The following ACACA variants were observed in gnomAD, a reference collection of about 807,000 sequenced individuals.
The protein encoded by ACACA is acetyl-CoA carboxylase 1.
A neutral mutation model predicts 296.1 loss-of-function variants in ACACA; 103 were observed. That is an observed-to-expected ratio of 0.35 (90% CI 0.30 to 0.41). The LOEUF (loss-of-function observed/expected upper bound fraction) is 0.41, where lower values mean the gene tolerates loss of function less well. ACACA is among the 10% of genes least tolerant of loss of function. The pLI is 1.00. For synonymous variants in ACACA, 953 were observed against 1,038.6 expected (o/e 0.92, Z 1.58); for missense variants, 1,554 against 2,989.7 (o/e 0.52, Z 11.20).
chr17:37,317,946 C>T (rs1285969919), intron 3 of ACACA, among the ~76,000 whole-genome samples: 1 of 152,106 alleles, frequency 6.6e-6, no homozygotes, highest in African/African-American at 2.4e-5. Context: ...CTCATAATGA[C>T]CTTCTCTGTC....
At chr17:37,254,737 A>C (rs2081148370) in intron 14 of ACACA, among the ~76,000 whole-genome samples, 1 of 151,974 alleles carries the variant, frequency 6.6e-6, no homozygotes, top group African/African-American at 2.4e-5. Context: ...TTATCCCAGC[A>C]CTTTGGGAGG....
At chr17:37,210,227 T>A (rs953748788) in intron 30 of ACACA, among the ~76,000 whole-genome samples, 3 of 152,184 alleles carry the variant, frequency 2.0e-5, no homozygotes. Flanking sequence ...CATACACAGC[T>A]AGATGGGAGC....
At chr17:37,390,228 TTA>T (rs1229124453) in intron 1 of ACACA, among the ~76,000 whole-genome samples, 2 of 45,604 alleles carry the variant, frequency 4.4e-5, no homozygotes, top group Non-Finnish European at 6.4e-5. Context: ...TTATATATAA[TTA>T]TATATAATAT....
At chr17:37,378,681 C>T (rs1191642028) in intron 1 of ACACA, among the ~76,000 whole-genome samples, 1 of 152,180 alleles carries the variant, frequency 6.6e-6, no homozygotes, top group Non-Finnish European at 1.5e-5. Context: ...CCATTGCACT[C>T]CAGCCTGAGC....
chr17:37,128,665 T>A (rs776516613), intron 47 of ACACA, among the ~76,000 whole-genome samples: 6 of 152,234 alleles, frequency 3.9e-5, no homozygotes, highest in Non-Finnish European at 7.3e-5. Flanking sequence ...AATGAGAATG[T>A]ACACAGAGTT....
intron 1 of ACACA, among the ~76,000 whole-genome samples, chr17:37,348,097 C>T (rs1421797684): frequency 4.6e-5 from 7 of 150,918 alleles, no homozygotes; most frequent in Admixed American, 1.3e-4. Context: ...TGCTTGAACC[C>T]GGGAGGCAGA....
chr17:37,136,754 A>G (rs1427889274), intron 45 of ACACA, among the ~76,000 whole-genome samples: 1 of 152,166 alleles, frequency 6.6e-6, no homozygotes, highest in Non-Finnish European at 1.5e-5. Flanking sequence ...CATCCTGGAT[A>G]ACACGGTGAA....
intron 3 of ACACA, among the ~76,000 whole-genome samples, chr17:37,294,209 C>T (rs1048385527): frequency 4.6e-5 from 7 of 151,816 alleles, no homozygotes; most frequent in Non-Finnish European, 7.4e-5. Context: ...ACATTGACAT[C>T]TCAAAATATT....
chr17:37,266,836 C>T lies in ACACA; in HGVS notation c.1120-2942G>A, dbSNP rs2081802642. Among the ~76,000 whole-genome samples the T allele has an allele frequency of 2.0e-5, 3 of 152,260 alleles. No individual in the cohort carries two copies. The South Asian group carries it at 6.2e-4, about 32-fold the overall frequency. On this transcript the variant is annotated intron_variant, in intron 10 of 55. Transcript: ENST00000616317. ...TGACTTCATTAAATATATTATTTGT[C>T]TTCCAAGTTACCTCAGATAACATTT... is the stretch of plus-strand genomic sequence containing the variant.
chr17:37,380,594 C>CA (rs2050205858), intron 1 of ACACA, among the ~76,000 whole-genome samples: 1 of 150,790 alleles, frequency 6.6e-6, no homozygotes, highest in Non-Finnish European at 1.5e-5. Context: ...TTTAAAATTT[C>CA]TTTTTTTTTG....
chr17:37,208,922 G>C (rs1567816633), intron 30 of ACACA, among the ~76,000 whole-genome samples: 1 of 152,218 alleles, frequency 6.6e-6, no homozygotes, highest in Non-Finnish European at 1.5e-5. Context: ...CGGTGTTGCA[G>C]GGGGAAGAGA....
chr17:37,399,466 T>G (rs1222699823), intron 1 of ACACA, among the ~76,000 whole-genome samples: 3 of 152,178 alleles, frequency 2.0e-5, no homozygotes, highest in South Asian at 4.1e-4. Context: ...CAAAATAATT[T>G]AGGAGCCTGT....
intron 50 of ACACA, among the ~76,000 whole-genome samples, chr17:37,120,107 G>C (rs2074455638): frequency 6.6e-6 from 1 of 151,778 alleles, no homozygotes; most frequent in African/African-American, 2.4e-5. Context: ...TGGACAGGCT[G>C]GTCTCAAACT....
At chr17:37,291,301 C>T (rs1301977268) in intron 3 of ACACA, among the ~76,000 whole-genome samples, 3 of 151,700 alleles carry the variant, frequency 2.0e-5, no homozygotes, top group South Asian at 2.1e-4. Context: ...TCAGCCTTCC[C>T]GAGTAGCTGG....
intron 2 of ACACA, among the ~76,000 whole-genome samples, chr17:37,336,595 C>T (rs917811237): frequency 6.6e-6 from 1 of 152,158 alleles, no homozygotes; most frequent in African/African-American, 2.4e-5. Flanking sequence ...TAAACCCAGG[C>T]ATTCGAGCCA....
At position 37,210,476 on chromosome 17, in the gene ACACA, G is replaced by A. The variant is rs1056165767; in HGVS notation, c.3698C>T (p.Thr1233Met). 14 of 1,612,264 alleles carry A rather than the reference G, an allele frequency of 8.7e-6. No individual in the cohort carries two copies. Among genetic ancestry groups the A allele is most frequent in the African/African-American group, 4.0e-5 (3 of 74,752 alleles). ...ACTAAACATACGGTACCTGTTTAGC[G>A]TAGGGATGTTCCCTCTGTAATTAAA... is the stretch of plus-strand genomic sequence containing the variant. The part of the protein sequence containing the change: ...TSHPNRGNIP[T>M]LNRMSFSSNL... The change falls in exon 30 of 56, where the codon ACG becomes ATG. Residue 1233 changes from threonine (T) to methionine (M), a missense_variant. This residue lies in a region of ACACA where 179 missense variants were observed against 283.2 expected (regional missense o/e 0.63). Transcript: ENST00000616317.
chr17:37,375,305 T>A (rs1021393370), intron 1 of ACACA, among the ~76,000 whole-genome samples: 20 of 151,914 alleles, frequency 1.3e-4, no homozygotes, highest in African/African-American at 4.6e-4. Flanking sequence ...TCTAACACGG[T>A]GAAACGCTGT....
intron 43 of ACACA, among the ~76,000 whole-genome samples, chr17:37,152,297 C>T (rs1454174655): frequency 6.6e-6 from 1 of 152,158 alleles, no homozygotes; most frequent in Non-Finnish European, 1.5e-5. Context: ...GAACAAGTTT[C>T]TTAAAAGCAA....
Position 37,221,795 on chromosome 17 carries a change from T to C in ACACA, c.3612A>G (p.Gln1204=). ...AYIAYELNSV[Q]HRQLKDNTCV... is the part of the protein sequence containing the mutation. ...AGGTGTTGTCCTTAAGCTGGCGGTG[T>C]TGTACGCTGTTAAGTTCATAGGCAA... The change falls in exon 29 of 56, where the codon CAA becomes CAG. Residue 1204 remains glutamine (Q), a synonymous_variant. Coordinates refer to ENST00000616317, the MANE Select transcript of ACACA (RefSeq NM_198834.3). The C allele has an allele frequency of 3.1e-6, 5 of 1,614,172 alleles. No individual in the cohort carries two copies. Among genetic ancestry groups the C allele is most frequent in the African/African-American group, 1.3e-5 (1 of 75,044 alleles).
Sources: gnomAD v4.1 joint callset for allele counts (sites outside exome capture counted in the v4.1 genomes callset) on GRCh38, gnomAD v4.1.1 for gene constraint, gnomAD v4.1.1 regional missense constraint, MANE v1.5 for transcripts, NCBI Gene and HGNC (gene_info 2026-07-23, HGNC 2026-07-21) for gene names.